The following BAMBI variants were observed in gnomAD, a reference collection of about 807,000 sequenced individuals.
BAMBI encodes the protein BMP and activin membrane-bound inhibitor homolog.
A neutral mutation model predicts 24.1 loss-of-function variants in BAMBI; 21 were observed. The observed-to-expected ratio is 0.87, with a 90% confidence interval of 0.62 to 1.26. BAMBI has a LOEUF of 1.26. BAMBI is among the 50% of genes most tolerant of loss of function. The pLI, the probability that BAMBI is intolerant of heterozygous loss-of-function variation, is 0.00. For missense variants in BAMBI, 388 were observed against 329.1 expected (o/e 1.18, Z -1.38); for synonymous variants, 156 against 123.1 (o/e 1.27, Z -1.77).
Position 28,677,825 on chromosome 10 carries a change from C to T in BAMBI, c.-73C>T. ...GGGCAGGGCCCATGCCCTGCGCGCT[C>T]CGGGGGTCGTAGGCTGCCGCCGAGC... On this transcript the variant is annotated 5_prime_UTR_variant, in exon 1 of 3. Coordinates refer to ENST00000375533, the MANE Select transcript of BAMBI (RefSeq NM_012342.3). 1 of 1,301,542 alleles carries T rather than the reference C, an allele frequency of 7.7e-7. No homozygotes were observed. Among genetic ancestry groups the T allele is most frequent in the Non-Finnish European group, 1.0e-6 (1 of 989,390 alleles). 80.6% of individuals were successfully genotyped at this position (1,301,542 alleles called of 1,614,324 possible). A position where few individuals can be genotyped will look rare whatever the true frequency, so the allele number is the denominator to read the frequency against.
chr10:28,681,540 C>T lies in BAMBI; in HGVS notation c.359C>T (p.Ala120Val). ...GTTCTCTCTCCTCCCAGGGGTGAGG[C>T]CTCAGGTAGGTGGAAGCCGTTTCTA... is the stretch of plus-strand genomic sequence containing the variant. ...HDVLSPPRGE[A>V]SGQGNRYQHD... The change falls in exon 2 of 3, where the codon GCC (alanine) becomes GTC (valine). Residue 120 changes from alanine to valine, a missense_variant. Transcript: ENST00000375533. The T allele has an allele frequency of 6.2e-7, 1 of 1,613,114 alleles. No homozygotes were observed. Among genetic ancestry groups the T allele is most frequent in the East Asian group, 2.2e-5 (1 of 44,862 alleles).
rs763553010 is a variant in BAMBI at position 28,682,438 on chromosome 10, G to A, written c.*37G>A. 7.5e-5 allele frequency: 118 copies of A among 1,567,072 alleles called. No homozygotes were observed. The highest frequency in any genetic ancestry group is 1.0e-4 in the Non-Finnish European group (117 of 1,150,852). On this transcript the variant is annotated 3_prime_UTR_variant, in exon 3 of 3. Transcript: ENST00000375533. ...CTGAACTACACTTACTGAACAGCTT[G>A]AAGGCCTTTTGAGTTCTGCTGGACA... is the stretch of plus-strand genomic sequence containing the variant.
chr10:28,681,504 G>C lies in BAMBI; in HGVS notation c.323G>C (p.Gly108Ala), dbSNP rs79472556. The change falls in exon 2 of 3, where the codon GGG becomes GCG. Residue 108 changes from glycine to alanine, a missense_variant. Physicochemically the swap from Gly to Ala is moderately conservative, Grantham distance 60. Transcript: ENST00000375533. ...CATGAAGACATGTGCAATTACAGAG[G>C]GCTGCACGATGTTCTCTCTCCTCCC... is the stretch of plus-strand genomic sequence containing the variant. ...CCHEDMCNYRGLHDVLSPPRG... is the reference protein window; with the variant it reads ...CCHEDMCNYRALHDVLSPPRG... The C allele has an allele frequency of 4.0e-4, 642 of 1,614,128 alleles. 4 individuals are homozygous for C. In the East Asian group the frequency reaches 0.014, roughly 34 times the overall value.
chr10:28,682,633 CACA>C lies in BAMBI; in HGVS notation c.*233_*235del. Reference sequence around the variant, plus strand: ...TAAAAAGCAAAGAGAAGACTTTGTACACACTGTCACCAGGGTTATTTGCATCCA... The same window carrying C: ...TAAAAAGCAAAGAGAAGACTTTGTACCTGTCACCAGGGTTATTTGCATCCA... On this transcript the variant is annotated 3_prime_UTR_variant, in exon 3 of 3. Transcript: ENST00000375533. 4.5e-6 allele frequency: 2 copies of C among 448,868 alleles called. No homozygotes were observed. The highest frequency in any genetic ancestry group is 7.8e-6 in the Non-Finnish European group (2 of 256,212). 27.8% of individuals were successfully genotyped at this position (448,868 alleles called of 1,614,324 possible). A position where few individuals can be genotyped will look rare whatever the true frequency, so the allele number is the denominator to read the frequency against.
Position 28,682,368 on chromosome 10 carries a change from G to T in BAMBI, c.750G>T (p.Met250Ile), listed in dbSNP as rs1834509090. 6.2e-7 allele frequency: 1 copy of T among 1,612,336 alleles called. No individual in the cohort carries two copies. The highest frequency in any genetic ancestry group is 1.7e-5 in the Admixed American group (1 of 59,994). The change falls in exon 3 of 3, where the codon ATG (methionine) becomes ATT (isoleucine). Residue 250 changes from methionine (M) to isoleucine (I), a missense_variant. Met to Ile is a conservative substitution (Grantham distance 10). Coordinates refer to ENST00000375533, the MANE Select transcript of BAMBI (RefSeq NM_012342.3). ...TCCTCTCGCTTGTTCACTGGGGCAT[G>T]TACAGTGGGCACGGGAAGCTGGAAT... ...DKILSLVHWGMYSGHGKLEFV is the reference protein window; with the variant it reads ...DKILSLVHWGIYSGHGKLEFV
chr10:28,681,935 T>C (rs770594783), intron 2 of BAMBI, 48 bp from the exon 3 acceptor site: 9 of 1,501,506 alleles, frequency 6.0e-6, no homozygotes, highest in Non-Finnish European at 8.2e-6. Flanking sequence ...TGAATATCCC[T>C]AGGAGGAGTT....
rs767519021 is a variant in BAMBI at position 28,682,402 on chromosome 10, CG to C, written c.*3del. ...GCACGGGAAGCTGGAATTCGTATGA[CG>C]GAGTCTTATCTGAACTACACTTACT... On this transcript the variant is annotated 3_prime_UTR_variant, in exon 3 of 3. Transcript: ENST00000375533. 30 of 1,607,678 alleles carry C rather than the reference CG, an allele frequency of 1.9e-5. No homozygotes were observed. The highest frequency in any genetic ancestry group is 3.3e-5 in the Admixed American group (2 of 59,860).
intron 1 of BAMBI, among the ~76,000 whole-genome samples, chr10:28,678,515 CTCTT>C (rs775835274): frequency 1.6e-4 from 24 of 152,288 alleles, no homozygotes; most frequent in Non-Finnish European, 2.6e-4. Context: ...ATTTCTGTGT[CTCTT>C]TCTGAGTCTT....
chr10:28,680,976 A>G (rs1294351274), intron 1 of BAMBI, among the ~76,000 whole-genome samples: 1 of 152,214 alleles, frequency 6.6e-6, no homozygotes, highest in Non-Finnish European at 1.5e-5. Flanking sequence ...GAGAAATTAT[A>G]CTCATTACTA....
In BAMBI at chr10:28,682,313, TGA is replaced by T; in HGVS notation, c.698_699del (p.Arg233ThrfsTer8). On this transcript the variant is annotated frameshift_variant, in exon 3 of 3. Transcript: ENST00000375533. LOFTEE classifies it high-confidence loss of function. ...AACTGCTGTCTGACCTGTGATAAAA[TGA>T]GACAAGCAGACCTCAGCAACGATAA... The T allele has an allele frequency of 6.2e-7, 1 of 1,614,040 alleles. No homozygotes were observed. Among genetic ancestry groups the T allele is most frequent in the Non-Finnish European group, 8.5e-7 (1 of 1,180,018 alleles).
rs748194688 is a variant in BAMBI, at chr10:28,681,370, C to A, written c.189C>A (p.Ser63=). 7.4e-6 allele frequency: 12 copies of A among 1,614,014 alleles called. No homozygotes were observed. The highest frequency in any genetic ancestry group is 2.7e-5 in the African/African-American group (2 of 74,904). The change falls in exon 2 of 3, where the codon TCC becomes TCA. Residue 63 remains serine, a synonymous_variant. Transcript: ENST00000375533. ...TTCTTGATCCTCAGAACTCAAATTCCCCACTCACCCATGGCTGCCTGGACT... is the reference window on the plus strand; with the variant it reads ...TTCTTGATCCTCAGAACTCAAATTCACCACTCACCCATGGCTGCCTGGACT... The part of the protein sequence containing the change: ...SRLLDPQNSN[S]PLTHGCLDSL...
intron 1 of BAMBI, among the ~76,000 whole-genome samples, chr10:28,679,945 A>G (rs1253947708): frequency 1.3e-5 from 2 of 152,190 alleles, no homozygotes; most frequent in Non-Finnish European, 2.9e-5. Context: ...AGGGTTGCCA[A>G]AGATCTGTGT....
chr10:28,678,052 G>A (rs1834456154), intron 1 of BAMBI, 79 bp downstream of exon 1: 1 of 1,330,274 alleles, frequency 7.5e-7, no homozygotes, highest in Non-Finnish European at 1.0e-6. Context: ...GGCTTTGTTA[G>A]CGGCAGGCGA....
Position 28,682,274 on chromosome 10 carries a change from T to TCAGTGGGCAC in BAMBI, c.657_666dup (p.Glu223GlnfsTer11), listed in dbSNP as rs1834507840. The TCAGTGGGCAC allele has an allele frequency of 6.2e-7, 1 of 1,613,912 alleles. No homozygotes were observed. Among genetic ancestry groups the TCAGTGGGCAC allele is most frequent in the Non-Finnish European group, 8.5e-7 (1 of 1,180,034 alleles). ...TTAGACTTGGAATGCATGGTGCCGG[T>TCAGTGGGCAC]CAGTGGGCACGAGAACTGCTGTCTG... On this transcript the variant is annotated frameshift_variant, in exon 3 of 3. Transcript: ENST00000375533. LOFTEE classifies it high-confidence loss of function.
intron 1 of BAMBI, among the ~76,000 whole-genome samples, chr10:28,680,614 G>C (rs1834487385): frequency 1.3e-5 from 2 of 152,128 alleles, no homozygotes; most frequent in South Asian, 4.1e-4. Context: ...ACCACTAATT[G>C]TAAACTGCCT....
In BAMBI at chr10:28,681,366, AT is replaced by A. The variant is rs1834494928; in HGVS notation, c.187del (p.Ser63ProfsTer80). 1 of 1,614,056 alleles carries A rather than the reference AT, an allele frequency of 6.2e-7. No individual in the cohort carries two copies. Among genetic ancestry groups the A allele is most frequent in the South Asian group, 1.1e-5 (1 of 91,086 alleles). Reference sequence around the variant, plus strand: ...AGACTTCTTGATCCTCAGAACTCAAATTCCCCACTCACCCATGGCTGCCTGG... The same window carrying A: ...AGACTTCTTGATCCTCAGAACTCAAATCCCCACTCACCCATGGCTGCCTGG... ...FSRLLDPQNS[N>X]SPLTHGCLDS... On this transcript the variant is annotated frameshift_variant, in exon 2 of 3. Coordinates refer to ENST00000375533, the MANE Select transcript of BAMBI (RefSeq NM_012342.3). LOFTEE classifies it high-confidence loss of function.
rs375014309 is a variant in BAMBI, at chr10:28,682,422, A to G, written c.*21A>G. ...TATGACGGAGTCTTATCTGAACTAC[A>G]CTTACTGAACAGCTTGAAGGCCTTT... On this transcript the variant is annotated 3_prime_UTR_variant, in exon 3 of 3. Transcript: ENST00000375533. 4.4e-6 allele frequency: 7 copies of G among 1,589,370 alleles called. No homozygotes were observed. The highest frequency in any genetic ancestry group is 1.3e-5 in the African/African-American group (1 of 74,354).
At chr10:28,678,675 G>A (rs1469987622) in intron 1 of BAMBI, among the ~76,000 whole-genome samples, 1 of 152,094 alleles carries the variant, frequency 6.6e-6, no homozygotes, top group African/African-American at 2.4e-5. Context: ...ACATCTCTCT[G>A]TGTGCGAGCG....
rs928755367 is a variant in BAMBI at position 28,682,752 on chromosome 10, T to C, written c.*351T>C. On this transcript the variant is annotated 3_prime_UTR_variant, in exon 3 of 3. Coordinates refer to ENST00000375533, the MANE Select transcript of BAMBI (RefSeq NM_012342.3). ...TTATTGTAAAGATTTAAAAGAAATATATATATTTTGTCTGAAATTTAATAG... is the reference window on the plus strand; with the variant it reads ...TTATTGTAAAGATTTAAAAGAAATACATATATTTTGTCTGAAATTTAATAG... 9 of 177,092 alleles carry C rather than the reference T, an allele frequency of 5.1e-5. No individual in the cohort carries two copies. The highest frequency in any genetic ancestry group is 8.3e-5 in the Non-Finnish European group (7 of 84,112). The allele number at this position is 177,092 out of a possible 1,614,324, so 11.0% of individuals were successfully genotyped here. A position where few individuals can be genotyped will look rare whatever the true frequency, so the allele number is the denominator to read the frequency against.
Sources: allele counts gnomAD v4.1 joint callset (sites outside exome capture counted in the v4.1 genomes callset), GRCh38; gene constraint gnomAD v4.1.1; transcripts MANE v1.5; gene names NCBI Gene and HGNC (gene_info 2026-07-23, HGNC 2026-07-21).